SCHIP1: variants seen among roughly 807,000 people sequenced by gnomAD.
SCHIP1 encodes the protein schwannomin interacting protein 1.
In SCHIP1, 8 loss-of-function variants were observed where a neutral mutation model predicts 29.7. The ratio of observed to expected loss-of-function variants is 0.27; its 90% CI spans 0.16 to 0.49. The LOEUF (loss-of-function observed/expected upper bound fraction) is 0.49, where lower values mean the gene tolerates loss of function less well. SCHIP1 is among the 20% of genes least tolerant of loss of function. The pLI, the probability that SCHIP1 is intolerant of heterozygous loss-of-function variation, is 0.99. For synonymous variants in SCHIP1, 76 were observed against 94.9 expected, an observed-to-expected ratio of 0.80 and a Z score of 1.16; for missense variants, 193 against 294.6, an observed-to-expected ratio of 0.66 and a Z score of 2.52.
the SCHIP1 span, among the ~76,000 whole-genome samples, chr3:159,658,246 A>G: frequency 1.6e-4 from 24 of 152,274 alleles, no homozygotes; most frequent in Admixed American, 1.2e-3. Context: ...ACCAGTCCCC[A>G]TTCAATGTTT....
the SCHIP1 span, among the ~76,000 whole-genome samples, chr3:159,331,006 A>G: frequency 6.6e-6 from 1 of 152,196 alleles, no homozygotes; most frequent in African/African-American, 2.4e-5. Context: ...CATAGATTCA[A>G]TGCTTCCATG....
the SCHIP1 span, among the ~76,000 whole-genome samples, chr3:159,482,736 T>C: frequency 6.6e-6 from 1 of 152,132 alleles, no homozygotes; most frequent in Admixed American, 6.6e-5. Context: ...GGATTTCAGA[T>C]GGGAGAGTAA....
the SCHIP1 span, among the ~76,000 whole-genome samples, chr3:159,818,529 C>T: frequency 6.6e-6 from 1 of 152,224 alleles, no homozygotes; most frequent in Non-Finnish European, 1.5e-5. Flanking sequence ...ATCTGCAGGG[C>T]CAGTGGGGCC....
chr3:159,711,939 A>ATATTGC, the SCHIP1 span, among the ~76,000 whole-genome samples: 1 of 149,926 alleles, frequency 6.7e-6, no homozygotes, highest in Non-Finnish European at 1.5e-5. Flanking sequence ...GATTAGGAAG[A>ATATTGC]TATTGCTGCT....
At chr3:159,826,203 T>C in the SCHIP1 span, among the ~76,000 whole-genome samples, 2 of 152,190 alleles carry the variant, frequency 1.3e-5, no homozygotes. Context: ...GCCCTTAATT[T>C]TTTGTATCAC....
At chr3:159,454,752 G>A in the SCHIP1 span, among the ~76,000 whole-genome samples, 2 of 152,252 alleles carry the variant, frequency 1.3e-5, no homozygotes, top group African/African-American at 4.8e-5. Flanking sequence ...AAAAACCAGA[G>A]GTGAAGGTGG....
At chr3:159,486,243 C>T in the SCHIP1 span, among the ~76,000 whole-genome samples, 8 of 152,136 alleles carry the variant, frequency 5.3e-5, no homozygotes, top group Non-Finnish European at 7.4e-5. Flanking sequence ...ATCTCCAGAA[C>T]CTATTCCCTC....
exon 1 of SCHIP1, chr3:159,839,921 A>AG: frequency 7.1e-7 from 1 of 1,403,718 alleles, no homozygotes; most frequent in East Asian, 2.7e-5. Flanking sequence ...CCCCTCCCCC[A>AG]GCCCGGTCCC....
At chr3:159,750,967 C>T in the SCHIP1 span, among the ~76,000 whole-genome samples, 1 of 151,992 alleles carries the variant, frequency 6.6e-6, no homozygotes, top group South Asian at 2.1e-4. Flanking sequence ...GACATAATTG[C>T]ATGGGATCAA....
chr3:159,718,321 C>A, the SCHIP1 span, among the ~76,000 whole-genome samples: 6 of 152,124 alleles, frequency 3.9e-5, no homozygotes, highest in Non-Finnish European at 8.8e-5. Context: ...AAAACTGGCA[C>A]AAGACAGGGA....
chr3:159,308,775 A>G, the SCHIP1 span, among the ~76,000 whole-genome samples: 3 of 152,352 alleles, frequency 2.0e-5, no homozygotes, highest in Admixed American at 2.0e-4. Flanking sequence ...GTATGCAGCA[A>G]TGGTAGATTG....
the SCHIP1 span, among the ~76,000 whole-genome samples, chr3:159,610,207 C>T: frequency 1.3e-5 from 2 of 152,136 alleles, no homozygotes; most frequent in Admixed American, 1.3e-4. Flanking sequence ...CTCCTCTGCA[C>T]CCAACTTCCC....
the SCHIP1 span, among the ~76,000 whole-genome samples, chr3:159,767,781 G>A: frequency 4.6e-5 from 7 of 152,100 alleles, no homozygotes; most frequent in African/African-American, 1.7e-4. Flanking sequence ...CTAAAGTAAA[G>A]TAACAGCACT....
At chr3:159,847,954 G>T (rs1050277356) in intron 1 of SCHIP1, among the ~76,000 whole-genome samples, 1 of 152,120 alleles carries the variant, frequency 6.6e-6, no homozygotes, top group Admixed American at 6.5e-5. Flanking sequence ...GGATGTTAAG[G>T]CCGAGGAGAA....
At chr3:159,343,594 C>A in the SCHIP1 span, among the ~76,000 whole-genome samples, 72 of 152,270 alleles carry the variant, frequency 4.7e-4, 1 homozygote, top group African/African-American at 1.5e-3. Context: ...AACCATGCAG[C>A]CTTGCCTAAT....
chr3:159,658,487 C>G, the SCHIP1 span, among the ~76,000 whole-genome samples: 1 of 152,142 alleles, frequency 6.6e-6, no homozygotes, highest in East Asian at 1.9e-4. Context: ...GGACTGTTGT[C>G]CTACTTTTAC....
chr3:159,537,123 T>A, the SCHIP1 span, among the ~76,000 whole-genome samples: 1 of 152,118 alleles, frequency 6.6e-6, no homozygotes, highest in Non-Finnish European at 1.5e-5. Flanking sequence ...AAATGCAGGA[T>A]ATTAGGCAGC....
chr3:159,300,135 TTTTTG>T, the SCHIP1 span, among the ~76,000 whole-genome samples: 2 of 138,994 alleles, frequency 1.4e-5, no homozygotes, highest in Admixed American at 7.3e-5. Flanking sequence ...TTTTTTTTTT[TTTTTG>T]AGATAGGGTC....
chr3:159,838,240 T>C (rs1272265811), upstream of SCHIP1, among the ~76,000 whole-genome samples: 1 of 152,192 alleles, frequency 6.6e-6, no homozygotes, highest in African/African-American at 2.4e-5. Context: ...AGAATATTTA[T>C]AAAAATAGGT....
Sources: allele counts gnomAD v4.1 joint callset (sites outside exome capture counted in the v4.1 genomes callset), GRCh38; gene constraint gnomAD v4.1.1; transcripts MANE v1.5; gene names NCBI Gene and HGNC (gene_info 2026-07-23, HGNC 2026-07-21).